The following ABCG4 variants were observed in gnomAD, a reference collection of about 807,000 sequenced individuals.
ABCG4 encodes ATP binding cassette subfamily G member 4, also known as ATP-binding cassette sub-family G member 4.
In ABCG4, 35 loss-of-function variants were observed where a neutral mutation model predicts 64.6. The ratio of observed to expected loss-of-function variants is 0.54; its 90% confidence interval spans 0.41 to 0.72. ABCG4 has a LOEUF of 0.72. Ranked by LOEUF, ABCG4 falls within the 30% of genes least tolerant of loss-of-function variation. The probability of loss-of-function intolerance (pLI) is 0.00; values close to 1 mark genes in which losing one functional copy is unlikely to be tolerated. For synonymous variants in ABCG4, 326 were observed against 348.2 expected (o/e 0.94, Z 0.71); for missense variants, 610 against 846.3 (o/e 0.72, Z 3.46).
intron 2 of ABCG4, chr11:119,153,059 A>G (rs1948212947): frequency 6.6e-6 from 1 of 152,444 alleles, no homozygotes; most frequent in East Asian, 1.9e-4. Flanking sequence ...ATCAATAAGC[A>G]TTTATCAAGT....
chr11:119,154,615 T>C lies in ABCG4; in HGVS notation c.540+40T>C, dbSNP rs373151967. On this transcript the variant is annotated intron_variant, in intron 5 of 14. Transcript: ENST00000619701. The surrounding 1 kb of genome is among the most constrained non-coding windows in gnomAD (Gnocchi z 7.0). ...GAGGCAGTGGGACCACTCCCTTTTG[T>C]GGTGCTGCTGAGCTCAAGGCCCCGA... The C allele has an allele frequency of 6.2e-7, 1 of 1,608,464 alleles. No individual in the cohort carries two copies. The highest frequency in any genetic ancestry group is 1.3e-5 in the African/African-American group (1 of 74,564).
rs1297460604 is a variant in ABCG4 at position 119,156,263 on chromosome 11, C to G, written c.687-66C>G. The G allele has an allele frequency of 4.4e-6, 7 of 1,608,844 alleles. No homozygotes were observed. In the Middle Eastern group the frequency reaches 6.7e-4, roughly 154 times the overall value. ...TCCCCTTCACAGCAGCTGCCCCGCC[C>G]CAGACACTCCCTTCTTTTGGCCTCA... On this transcript the variant is annotated intron_variant, in intron 6 of 14. Coordinates refer to ENST00000619701, the MANE Select transcript of ABCG4 (RefSeq NM_022169.5). The surrounding 1 kb of genome is among the most constrained non-coding windows in gnomAD (Gnocchi z 5.5).
chr11:119,159,334 A>T (rs184845785), intron 12 of ABCG4, among the ~76,000 whole-genome samples: 131 of 152,098 alleles, frequency 8.6e-4, no homozygotes, highest in African/African-American at 2.2e-3. Flanking sequence ...TAAAAATACA[A>T]AAATTAACCA....
chr11:119,150,155 G>T lies in ABCG4; in HGVS notation c.190G>T (p.Val64Leu), dbSNP rs1271622785. The T allele has an allele frequency of 6.2e-7, 1 of 1,614,040 alleles. No individual in the cohort carries two copies. Among genetic ancestry groups the T allele is most frequent in the East Asian group, 2.2e-5 (1 of 44,892 alleles). The change falls in exon 2 of 15, where the codon GTG becomes TTG. Residue 64 changes from valine (V) to leucine (L), a missense_variant. By Grantham distance (32) the Val-to-Leu change is conservative. Transcript: ENST00000619701. This position sits in a 1 kb window ranked among gnomAD's most constrained non-coding sequence, Gnocchi z 4.3. ...PKRSAVDIEF[V>L]ELSYSVREGP... ...GCGCTCAGCCGTGGACATCGAGTTCGTGGAGCTGTCCTATTCCGTGCGGGA... is the reference window on the plus strand; with the variant it reads ...GCGCTCAGCCGTGGACATCGAGTTCTTGGAGCTGTCCTATTCCGTGCGGGA...
Position 119,155,000 on chromosome 11 carries a change from C to T in ABCG4, c.686+85C>T. 6.6e-7 allele frequency: 1 copy of T among 1,519,194 alleles called. No homozygotes were observed. Among genetic ancestry groups the T allele is most frequent in the Non-Finnish European group, 8.9e-7 (1 of 1,124,554 alleles). The allele number at this position is 1,519,194 out of a possible 1,614,324, so 94.1% of individuals were successfully genotyped here. A position where few individuals can be genotyped will look rare whatever the true frequency, so the allele number is the denominator to read the frequency against. On this transcript the variant is annotated intron_variant, in intron 6 of 14. Transcript: ENST00000619701. The surrounding 1 kb of genome is among the most constrained non-coding windows in gnomAD (Gnocchi z 7.0). ...CTGGAGGCTGCATCTTCTCCATGATCCAGAGCCTCTGTTCACAGCCTCCTG... is the reference window on the plus strand; with the variant it reads ...CTGGAGGCTGCATCTTCTCCATGATTCAGAGCCTCTGTTCACAGCCTCCTG...
At chr11:119,159,358 G>A (rs1231532886) in intron 12 of ABCG4, among the ~76,000 whole-genome samples, 1 of 138,648 alleles carries the variant, frequency 7.2e-6, no homozygotes, top group African/African-American at 2.5e-5. Flanking sequence ...TTGGTGTTGT[G>A]CACCTGTAGT....
rs1316755187 is a variant in ABCG4, at chr11:119,160,034, A to G, written c.1438-193A>G. Among the ~76,000 whole-genome samples the G allele has an allele frequency of 6.6e-6, 1 of 151,802 alleles. No homozygotes were observed. Among genetic ancestry groups the G allele is most frequent in the Admixed American group, 6.6e-5 (1 of 15,220 alleles). The stretch of plus-strand genomic sequence containing the variant: ...GACCAAACGGAAGACGTGAGACGAG[A>G]TAAGTGATGGTCATATGGCCAGGGA... On this transcript the variant is annotated intron_variant, in intron 12 of 14. Transcript: ENST00000619701. The surrounding 1 kb of genome is among the most constrained non-coding windows in gnomAD (Gnocchi z 4.6).
At position 119,160,430 on chromosome 11, in the gene ABCG4, T is replaced by C. The variant is rs200997989; in HGVS notation, c.1596+45T>C. On this transcript the variant is annotated intron_variant, in intron 13 of 14. Coordinates refer to ENST00000619701, the MANE Select transcript of ABCG4 (RefSeq NM_022169.5). The surrounding 1 kb of genome is among the most constrained non-coding windows in gnomAD (Gnocchi z 4.6). ...GGAATTCCCAAGGCGGGATGAGGTC[T>C]TGTGGGAGGAAGCAGGGCCTGGTGC... The C allele has an allele frequency of 6.2e-7, 1 of 1,604,578 alleles. No individual in the cohort carries two copies. The highest frequency in any genetic ancestry group is 2.2e-5 in the East Asian group (1 of 44,632).
Position 119,158,339 on chromosome 11 carries a change from C to T in ABCG4, c.1167+7C>T, listed in dbSNP as rs756551714. On this transcript the variant is annotated splice_region_variant and intron_variant, in intron 10 of 14. Transcript: ENST00000619701. The surrounding 1 kb of genome is among the most constrained non-coding windows in gnomAD (Gnocchi z 4.5). Reference sequence around the variant, plus strand: ...GTCCATCCTCAGGGACACGGTGAGGCGTCAGGCTGGGGGAGAGGAGGCTGG... The same window carrying T: ...GTCCATCCTCAGGGACACGGTGAGGTGTCAGGCTGGGGGAGAGGAGGCTGG... The T allele has an allele frequency of 2.0e-5, 33 of 1,613,336 alleles. No individual in the cohort carries two copies. The Admixed American group carries it at 2.8e-4, about 14-fold the overall frequency.
In ABCG4 at chr11:119,154,963, C is replaced by T; in HGVS notation, c.686+48C>T. The T allele has an allele frequency of 6.4e-7, 1 of 1,569,594 alleles. No individual in the cohort carries two copies. The highest frequency in any genetic ancestry group is 8.7e-7 in the Non-Finnish European group (1 of 1,150,878). On this transcript the variant is annotated intron_variant, in intron 6 of 14. Transcript: ENST00000619701. This position sits in a 1 kb window ranked among gnomAD's most constrained non-coding sequence, Gnocchi z 7.0. Reference sequence around the variant, plus strand: ...ACCAGGATACCCCTCTCCTCTCGGCCCTGAGCCAGGGCTGGAGGCTGCATC... The same window carrying T: ...ACCAGGATACCCCTCTCCTCTCGGCTCTGAGCCAGGGCTGGAGGCTGCATC...
At position 119,158,590 on chromosome 11, in the gene ABCG4, G is replaced by A; in HGVS notation, c.1201G>A (p.Val401Ile). The A allele has an allele frequency of 6.2e-7, 1 of 1,614,198 alleles. No homozygotes were observed. The highest frequency in any genetic ancestry group is 8.5e-7 in the Non-Finnish European group (1 of 1,180,026). ...CCACCTACGGTTCATGTCCCACGTG[G>A]TTATTGGCGTGCTCATCGGCCTCCT... ...LTHLRFMSHV[V>I]IGVLIGLLYL... Residue 401 changes from valine to isoleucine, a missense_variant, in exon 11 of 15, where the codon GTT (valine) becomes ATT (isoleucine). Coordinates refer to ENST00000619701, the MANE Select transcript of ABCG4 (RefSeq NM_022169.5). This position sits in a 1 kb window ranked among gnomAD's most constrained non-coding sequence, Gnocchi z 4.5.
chr11:119,150,029 G>A lies in ABCG4; in HGVS notation c.64G>A (p.Val22Met), dbSNP rs896751158. Residue 22 changes from valine (V) to methionine (M), a missense_variant, in exon 2 of 15, where the codon GTG (valine) becomes ATG (methionine). Physicochemically the swap from Val to Met is conservative, Grantham distance 21. Coordinates refer to ENST00000619701, the MANE Select transcript of ABCG4 (RefSeq NM_022169.5). The surrounding 1 kb of genome is among the most constrained non-coding windows in gnomAD (Gnocchi z 4.3). ...AGGGCCGGGGGCTGTGGCCATGGCC[G>A]TGACGCTGGAGGACGGGGCGGAACC... ...GLGPGAVAMA[V>M]TLEDGAEPPV... 1 of 1,613,236 alleles carries A rather than the reference G, an allele frequency of 6.2e-7. No individual in the cohort carries two copies. The highest frequency in any genetic ancestry group is 1.7e-5 in the Admixed American group (1 of 60,024).
chr11:119,156,202 A>G lies in ABCG4; in HGVS notation c.687-127A>G, dbSNP rs1225772241. ...CAAGTGCCTGAACCGTAAAGGATAC[A>G]GATGCGGCCAGAGTGCCCTCTTCCT... On this transcript the variant is annotated intron_variant, in intron 6 of 14. Transcript: ENST00000619701. The surrounding 1 kb of genome is among the most constrained non-coding windows in gnomAD (Gnocchi z 5.5). The G allele has an allele frequency of 7.0e-6, 9 of 1,276,708 alleles. No individual in the cohort carries two copies. The South Asian group carries it at 1.2e-4, about 17-fold the overall frequency. The allele number at this position is 1,276,708 out of a possible 1,614,324, so 79.1% of individuals were successfully genotyped here.
chr11:119,157,767 G>A (rs1031153191), intron 9 of ABCG4, among the ~76,000 whole-genome samples: 26 of 152,220 alleles, frequency 1.7e-4, no homozygotes, highest in African/African-American at 5.8e-4. Context: ...TCGGGAGGCT[G>A]AGGCAGGAGA....
rs754770221 is a variant in ABCG4 at position 119,158,844 on chromosome 11, C to T, written c.1352C>T (p.Ala451Val). ...PTVLTFPLEM[A>V]VFMREHLNYW... is the part of the protein sequence containing the mutation. ...GTGTCCTCAGTCCCCTTAGAGATGG[C>T]GGTCTTCATGAGGGAGCACCTCAAC... Residue 451 changes from alanine (A) to valine (V), a missense_variant, in exon 12 of 15, where the codon GCG becomes GTG. Physicochemically the swap from Ala to Val is moderately conservative, Grantham distance 64 (BLOSUM62 0). Transcript: ENST00000619701. The surrounding 1 kb of genome is among the most constrained non-coding windows in gnomAD (Gnocchi z 4.5). 41 of 1,614,042 alleles carry T rather than the reference C, an allele frequency of 2.5e-5. No homozygotes were observed. Among genetic ancestry groups the T allele is most frequent in the Middle Eastern group, 1.6e-4 (1 of 6,080 alleles).
At chr11:119,153,163 A>G (rs1211968386) in intron 2 of ABCG4, 1 of 152,446 alleles carries the variant, frequency 6.6e-6, no homozygotes, top group African/African-American at 2.4e-5. Flanking sequence ...AATCTTTACA[A>G]CAACCCTATG....
rs113904368 is a variant in ABCG4, at chr11:119,160,078, A to C, written c.1438-149A>C. 2.5e-6 allele frequency: 2 copies of C among 813,154 alleles called. No individual in the cohort carries two copies. The highest frequency in any genetic ancestry group is 3.4e-5 in the African/African-American group (2 of 58,124). 50.4% of individuals were successfully genotyped at this position (813,154 alleles called of 1,614,324 possible). The stretch of plus-strand genomic sequence containing the variant: ...CCAGGGAGGAAGGGGACGTGTGTCA[A>C]TCTGGGGGACAGCTTGAACAAGAAT... On this transcript the variant is annotated intron_variant, in intron 12 of 14. Transcript: ENST00000619701. The surrounding 1 kb of genome is among the most constrained non-coding windows in gnomAD (Gnocchi z 4.6).
In ABCG4 at chr11:119,150,117, C is replaced by G; in HGVS notation, c.152C>G (p.Ser51Cys). ...ENHITEAQRF[S>C]HLPKRSAVDI... ...CACATCACTGAAGCCCAGCGCTTCT[C>G]CCACCTACCCAAGCGCTCAGCCGTG... Residue 51 changes from serine (S) to cysteine (C), a missense_variant, in exon 2 of 15, where the codon TCC (serine) becomes TGC (cysteine). Physicochemically the swap from Ser to Cys is moderately radical, Grantham distance 112 (BLOSUM62 -1). Transcript: ENST00000619701. This position sits in a 1 kb window ranked among gnomAD's most constrained non-coding sequence, Gnocchi z 4.3. 2 of 1,614,148 alleles carry G rather than the reference C, an allele frequency of 1.2e-6. No individual in the cohort carries two copies. The highest frequency in any genetic ancestry group is 1.7e-6 in the Non-Finnish European group (2 of 1,180,008).
chr11:119,158,994 C>T lies in ABCG4; in HGVS notation c.1437+65C>T, dbSNP rs1465025258. The T allele has an allele frequency of 6.7e-7, 1 of 1,494,964 alleles. No individual in the cohort carries two copies. Among genetic ancestry groups the T allele is most frequent in the Non-Finnish European group, 9.3e-7 (1 of 1,073,772 alleles). 92.6% of individuals were successfully genotyped at this position (1,494,964 alleles called of 1,614,324 possible). ...GTCTTGCTCCTTCTATCCTTGCTTT[C>T]TTGCCTCCCTCAAACTTGTCACTTT... On this transcript the variant is annotated intron_variant, in intron 12 of 14. Transcript: ENST00000619701. This position sits in a 1 kb window ranked among gnomAD's most constrained non-coding sequence, Gnocchi z 4.5.
Sources: allele counts gnomAD v4.1 joint callset (sites outside exome capture counted in the v4.1 genomes callset), GRCh38; gene constraint gnomAD v4.1.1; non-coding constraint Gnocchi (gnomAD v3.1); transcripts MANE v1.5; gene names NCBI Gene and HGNC (gene_info 2026-07-23, HGNC 2026-07-21).